Variants in PRRC2B observed in about 807,000 individuals in gnomAD.
The protein encoded by PRRC2B is protein PRRC2B.
Under a neutral mutation model 242.3 loss-of-function variants are expected in PRRC2B, and 68 were observed. The observed-to-expected ratio is 0.28, with a 90% confidence interval of 0.23 to 0.34. PRRC2B has a LOEUF of 0.34. Ranked by LOEUF, PRRC2B falls within the 10% of genes least tolerant of loss-of-function variation. The pLI is 1.00. For missense variants in PRRC2B, 2,835 were observed against 2,954.8 expected, an observed-to-expected ratio of 0.96 and a Z score of 0.94; for synonymous variants, 1,228 against 1,173.6, an observed-to-expected ratio of 1.05 and a Z score of -0.95.
rs370225656 is a variant in PRRC2B, at chr9:131,473,615, G to A, written c.2215G>A (p.Asp739Asn). Residue 739 changes from aspartate to asparagine, a missense_variant, in exon 15 of 32, where the codon GAC becomes AAC. This residue lies in a region of PRRC2B where 1,536 missense variants were observed against 1,483.1 expected (regional missense o/e 1.04). Transcript: ENST00000683519. ...CCAAGAAAGAAAAGTGACCCCCATC[G>A]ACTCACCCCCTGTGTGGAGCCCAGA... Reference protein sequence around the residue: ...PLQERKVTPIDSPPVWSPEGY... With the variant: ...PLQERKVTPINSPPVWSPEGY... The A allele has an allele frequency of 2.9e-5, 47 of 1,613,480 alleles. No homozygotes were observed. The African/African-American group carries it at 5.3e-4, about 18-fold the overall frequency.
intron 1 of PRRC2B, among the ~76,000 whole-genome samples, chr9:131,409,269 G>A (rs1837446198): frequency 6.6e-6 from 1 of 152,100 alleles, no homozygotes; most frequent in South Asian, 2.1e-4. Context: ...TGATCTGCCC[G>A]TCTTGGCCTC....
Position 131,474,901 on chromosome 9 carries a change from C to T in PRRC2B, c.2772C>T (p.Ser924=), listed in dbSNP as rs537568520. Reference sequence around the variant, plus strand: ...CTGAATGGACTCCCGAGCCCCGGAGCTCCAGCAGCCAGCACCCGGAGCAGA... The same window carrying T: ...CTGAATGGACTCCCGAGCCCCGGAGTTCCAGCAGCCAGCACCCGGAGCAGA... ...SEPEWTPEPR[S]SSSQHPEQTG... Residue 924 remains serine, a synonymous_variant, in exon 16 of 32, where the codon AGC becomes AGT. Coordinates refer to ENST00000683519, the MANE Select transcript of PRRC2B (RefSeq NM_013318.4). 4 of 1,594,850 alleles carry T rather than the reference C, an allele frequency of 2.5e-6. No individual in the cohort carries two copies. The South Asian group carries it at 3.4e-5, about 14-fold the overall frequency.
chr9:131,418,294 G>A (rs763731915), intron 1 of PRRC2B, among the ~76,000 whole-genome samples: 5 of 152,238 alleles, frequency 3.3e-5, no homozygotes, highest in Admixed American at 6.5e-5. Flanking sequence ...CTTCCTTCTG[G>A]AAACTTGTGT....
At chr9:131,396,933 A>C (rs1055990697) in intron 1 of PRRC2B, among the ~76,000 whole-genome samples, 5 of 152,150 alleles carry the variant, frequency 3.3e-5, no homozygotes, top group African/African-American at 1.2e-4. Context: ...ATGGCTCTGC[A>C]GTGGTTCTGC....
rs1168737418 is a variant in PRRC2B at position 131,447,750 on chromosome 9, G to A, written c.1066G>A (p.Glu356Lys). 1.2e-6 allele frequency: 2 copies of A among 1,613,870 alleles called. No homozygotes were observed. Among genetic ancestry groups the A allele is most frequent in the South Asian group, 1.1e-5 (1 of 91,074 alleles). The part of the protein sequence containing the change: ...RAPRPTIINA[E>K]NLKGLDDLDA... Reference sequence around the variant, plus strand: ...ACCACGGCCCACCATTATCAATGCGGAAAACCTGAAGGGCCTTGACGATCT... The same window carrying A: ...ACCACGGCCCACCATTATCAATGCGAAAAACCTGAAGGGCCTTGACGATCT... The change falls in exon 9 of 32, where the codon GAA (glutamate) becomes AAA (lysine). Residue 356 changes from glutamate to lysine, a missense_variant. Physicochemically the swap from Glu to Lys is moderately conservative, Grantham distance 56 (BLOSUM62 1). This residue lies in a region of PRRC2B where 626 missense variants were observed against 685.5 expected (regional missense o/e 0.91). Transcript: ENST00000683519.
intron 23 of PRRC2B, among the ~76,000 whole-genome samples, chr9:131,484,313 A>G (rs967970651): frequency 6.6e-6 from 1 of 152,062 alleles, no homozygotes; most frequent in African/African-American, 2.4e-5. Flanking sequence ...GCCAGTCCAT[A>G]TTTATACTGC....
rs138659078 is a variant in PRRC2B, at chr9:131,413,532, C to T, written c.-51-16562C>T. ...TTTCAAACATAGGCATGCACCAACA[C>T]ACCCAGCTAATTTTTAGTGGAGACG... is the stretch of plus-strand genomic sequence containing the variant. On this transcript the variant is annotated intron_variant, in intron 1 of 31. Transcript: ENST00000683519. Among the ~76,000 whole-genome samples, 618 of 152,336 alleles carry T rather than the reference C, an allele frequency of 4.1e-3. 4 individuals carry two copies. Among genetic ancestry groups the T allele is most frequent in the Non-Finnish European group, 6.5e-3 (445 of 68,024 alleles).
intron 8 of PRRC2B, 60 bp downstream of exon 8, chr9:131,447,266 A>C: frequency 6.3e-7 from 1 of 1,597,000 alleles, no homozygotes; most frequent in Non-Finnish European, 8.6e-7. Flanking sequence ...ATTCTGGTCA[A>C]GATGAGGGGC....
intron 3 of PRRC2B, among the ~76,000 whole-genome samples, chr9:131,435,527 A>G (rs1249495293): frequency 1.3e-5 from 2 of 151,780 alleles, no homozygotes; most frequent in African/African-American, 4.8e-5. Context: ...AGGCAGGAGA[A>G]TCGCTTGAAC....
At chr9:131,447,549 A>G in intron 8 of PRRC2B, 113 bp from the exon 9 acceptor site, 1 of 1,103,444 alleles carries the variant, frequency 9.1e-7, no homozygotes, top group African/African-American at 1.6e-5. Context: ...AACTGATAGA[A>G]ATAATTAAAT....
At position 131,464,860 on chromosome 9, in the gene PRRC2B, A is replaced by T; in HGVS notation, c.1502A>T (p.Glu501Val). The T allele has an allele frequency of 6.2e-7, 1 of 1,613,806 alleles. No homozygotes were observed. Among genetic ancestry groups the T allele is most frequent in the Non-Finnish European group, 8.5e-7 (1 of 1,179,840 alleles). The change falls in exon 12 of 32, where the codon GAG becomes GTG. Residue 501 changes from glutamate to valine, a missense_variant. Glu to Val is a moderately radical substitution (Grantham distance 121). Around this residue, in one of 7 missense-constraint regions of PRRC2B, gnomAD observed 626 missense variants for 685.5 expected, o/e 0.91. Transcript: ENST00000683519. ...AAGTTCATTCAGTCAGAGATGTCCG[A>T]GGCGGTGGAGCGAGCCCGAAAGCGC... is the stretch of plus-strand genomic sequence containing the variant. Reference protein sequence around the residue: ...RQKFIQSEMSEAVERARKRRE... With the variant: ...RQKFIQSEMSVAVERARKRRE...
chr9:131,441,871 G>A (rs915622786), intron 5 of PRRC2B, among the ~76,000 whole-genome samples: 14 of 152,296 alleles, frequency 9.2e-5, no homozygotes, highest in Non-Finnish European at 1.5e-4. Context: ...CTGTGACCTC[G>A]GAAGAAGCCC....
chr9:131,405,064 T>A (rs1167316756), intron 1 of PRRC2B, among the ~76,000 whole-genome samples: 1 of 152,220 alleles, frequency 6.6e-6, no homozygotes, highest in African/African-American at 2.4e-5. Context: ...ATGAACAGGC[T>A]TTTTGGATTG....
Position 131,476,444 on chromosome 9 carries a change from G to A in PRRC2B, c.4315G>A (p.Gly1439Arg). The change falls in exon 16 of 32, where the codon GGG becomes AGG. Residue 1439 changes from glycine to arginine, a missense_variant. Transcript: ENST00000683519. ...ACAGAGCCGAAAGCTGGAGCCGGGA[G>A]GGTTTGGGGAGAAGCCCGTTAGGCC... ...DRQSRKLEPG[G>R]FGEKPVRPGG... 1 of 1,613,258 alleles carries A rather than the reference G, an allele frequency of 6.2e-7. No homozygotes were observed. The highest frequency in any genetic ancestry group is 8.5e-7 in the Non-Finnish European group (1 of 1,179,730).
At chr9:131,396,019 G>C (rs1007621455) in intron 1 of PRRC2B, among the ~76,000 whole-genome samples, 1 of 152,182 alleles carries the variant, frequency 6.6e-6, no homozygotes, top group African/African-American at 2.4e-5. Flanking sequence ...TGGAGCCTGC[G>C]CAGCTGGATT....
intron 28 of PRRC2B, 91 bp downstream of exon 28, chr9:131,488,187 G>C (rs1944080481): frequency 1.4e-6 from 2 of 1,480,244 alleles, no homozygotes; most frequent in East Asian, 4.8e-5. Context: ...GTGTGTGCTG[G>C]CCTATCGTGC....
intron 1 of PRRC2B, among the ~76,000 whole-genome samples, chr9:131,384,430 G>A (rs889541246): frequency 2.2e-4 from 33 of 151,976 alleles, no homozygotes; most frequent in African/African-American, 8.0e-4. Flanking sequence ...TTACAGGCAC[G>A]CACCACCATG....
Position 131,430,207 on chromosome 9 carries a change from C to T in PRRC2B, c.63C>T (p.Leu21=), listed in dbSNP as rs760842411. Residue 21 remains leucine (L), a synonymous_variant, in exon 2 of 32, where the codon CTC becomes CTT. Coordinates refer to ENST00000683519, the MANE Select transcript of PRRC2B (RefSeq NM_013318.4). ...ATGGGAAAAGCAAGTACTCGACTCT[C>T]AGCCTGTTTGATAAGTATAAAGGAA... ...GKDGKSKYST[L]SLFDKYKGKS... is the part of the protein sequence containing the mutation. 36 of 1,608,078 alleles carry T rather than the reference C, an allele frequency of 2.2e-5. No homozygotes were observed. Among genetic ancestry groups the T allele is most frequent in the Non-Finnish European group, 3.0e-5 (35 of 1,177,302 alleles).
At chr9:131,460,042 A>G (rs565278464) in intron 11 of PRRC2B, among the ~76,000 whole-genome samples, 1 of 151,860 alleles carries the variant, frequency 6.6e-6, no homozygotes, top group African/African-American at 2.4e-5. Context: ...AGTTGGAAGT[A>G]CATTACAAAC....
Sources: allele counts gnomAD v4.1 joint callset (sites outside exome capture counted in the v4.1 genomes callset), GRCh38; gene constraint gnomAD v4.1.1; regional missense constraint gnomAD v4.1.1; transcripts MANE v1.5; gene names NCBI Gene and HGNC (gene_info 2026-07-23, HGNC 2026-07-21).